Variants in WWOX observed in about 807,000 individuals in gnomAD.
WWOX encodes the protein WW domain-containing oxidoreductase.
Under a neutral mutation model 46.2 loss-of-function variants are expected in WWOX, and 69 were observed. That is an observed-to-expected ratio of 1.49 (90% CI 1.23 to 1.82). The LOEUF (loss-of-function observed/expected upper bound fraction) is 1.82, where lower values mean the gene tolerates loss of function less well. Among genes scored for constraint, WWOX ranks in the 40% most tolerant of loss-of-function variants. WWOX has a pLI of 0.00. For synonymous variants in WWOX, 359 were observed against 202.6 expected (o/e 1.77, Z -6.56); for missense variants, 919 against 542.6 (o/e 1.69, Z -6.89).
intron 8 of WWOX, among the ~76,000 whole-genome samples, chr16:79,157,637 T>G: frequency 6.6e-6 from 1 of 152,302 alleles, no homozygotes; most frequent in East Asian, 1.9e-4. Context: ...TATTTAGGTA[T>G]GCTAAGACCA....
chr16:78,190,554 T>C (rs2035853963), intron 5 of WWOX, among the ~76,000 whole-genome samples: 1 of 152,166 alleles, frequency 6.6e-6, no homozygotes, highest in African/African-American at 2.4e-5. Flanking sequence ...TGCACATCCC[T>C]TCCAGCCAAC....
intron 8 of WWOX, among the ~76,000 whole-genome samples, chr16:78,884,321 G>C (rs146702414): frequency 6.7e-6 from 1 of 149,776 alleles, no homozygotes; most frequent in Non-Finnish European, 1.5e-5. Flanking sequence ...GACTATGACT[G>C]GTCAAAATGT....
chr16:78,442,480 G>T (rs552487241), intron 8 of WWOX, among the ~76,000 whole-genome samples: 2 of 151,974 alleles, frequency 1.3e-5, no homozygotes, highest in South Asian at 4.2e-4. Context: ...CCTGGGAACT[G>T]CCCTCTACTC....
At chr16:79,100,559 G>C (rs912385890) in intron 8 of WWOX, among the ~76,000 whole-genome samples, 3 of 152,122 alleles carry the variant, frequency 2.0e-5, no homozygotes, top group Admixed American at 2.0e-4. Context: ...TGATGGCTCT[G>C]CACAGACAGC....
intron 8 of WWOX, among the ~76,000 whole-genome samples, chr16:79,043,840 T>C (rs146418990): frequency 7.2e-5 from 11 of 152,338 alleles, no homozygotes; most frequent in African/African-American, 2.2e-4. Context: ...AGATGGGATG[T>C]AGAGAGCAAA....
intron 5 of WWOX, among the ~76,000 whole-genome samples, chr16:78,267,964 C>G (rs558799547): frequency 1.3e-5 from 2 of 152,090 alleles, no homozygotes; most frequent in South Asian, 4.1e-4. Flanking sequence ...ACTATAGGTG[C>G]GTGCCCCCAC....
chr16:78,730,735 C>T (rs1029265473), intron 8 of WWOX, among the ~76,000 whole-genome samples: 5 of 150,488 alleles, frequency 3.3e-5, no homozygotes, highest in African/African-American at 1.2e-4. Context: ...GCTGGGATTA[C>T]AGGTATAAAC....
chr16:78,447,784 G>C (rs1302610568), intron 8 of WWOX, among the ~76,000 whole-genome samples: 1 of 152,170 alleles, frequency 6.6e-6, no homozygotes, highest in Non-Finnish European at 1.5e-5. Context: ...GCCAAGGAAA[G>C]CAGAAGAAAC....
chr16:78,147,252 G>T (rs990618485), intron 4 of WWOX, among the ~76,000 whole-genome samples: 6 of 151,986 alleles, frequency 3.9e-5, no homozygotes, highest in African/African-American at 7.3e-5. Context: ...TTGCTTTAAA[G>T]TTTTTTACAT....
intron 8 of WWOX, among the ~76,000 whole-genome samples, chr16:79,133,201 A>G (rs1414467041): frequency 6.6e-6 from 1 of 152,202 alleles, no homozygotes; most frequent in Admixed American, 6.5e-5. Flanking sequence ...GTGAAGTCAT[A>G]CATTTTATTG....
chr16:78,380,938 TG>T (rs1466919587), intron 5 of WWOX, among the ~76,000 whole-genome samples: 8 of 152,326 alleles, frequency 5.3e-5, no homozygotes, highest in Admixed American at 1.3e-4. Flanking sequence ...TTGTGTGGCT[TG>T]TACCTTATAT....
chr16:78,956,666 C>G (rs1020815480), intron 8 of WWOX, among the ~76,000 whole-genome samples: 7 of 152,138 alleles, frequency 4.6e-5, no homozygotes, highest in African/African-American at 7.2e-5. Context: ...TAAAATACCT[C>G]TGTTTTCACT....
At chr16:78,152,690 A>C (rs1010942126) in intron 4 of WWOX, among the ~76,000 whole-genome samples, 36 of 152,186 alleles carry the variant, frequency 2.4e-4, no homozygotes, top group African/African-American at 8.4e-4. Context: ...TTAAATGAGA[A>C]CTTATTCACC....
intron 6 of WWOX, among the ~76,000 whole-genome samples, chr16:78,416,317 T>C (rs2082796727): frequency 6.6e-6 from 1 of 152,216 alleles, no homozygotes; most frequent in Admixed American, 6.5e-5. Context: ...CTCATTAAAG[T>C]GAGGCAAAAG....
chr16:78,589,075 C>T (rs531091135), intron 8 of WWOX, among the ~76,000 whole-genome samples: 1 of 152,324 alleles, frequency 6.6e-6, no homozygotes, highest in Admixed American at 6.5e-5. Context: ...TGTAGATTCT[C>T]CCACTGTTGT....
chr16:78,214,010 G>A (rs2036640300), intron 5 of WWOX, among the ~76,000 whole-genome samples: 1 of 152,122 alleles, frequency 6.6e-6, no homozygotes, highest in Admixed American at 6.5e-5. Context: ...TGTAACCTGT[G>A]TTCCAGAGTC....
intron 8 of WWOX, among the ~76,000 whole-genome samples, chr16:79,149,053 G>T (rs1457848780): frequency 1.3e-5 from 2 of 151,926 alleles, no homozygotes; most frequent in Non-Finnish European, 2.9e-5. Flanking sequence ...GTAGTGGCTA[G>T]AACTTCCTGT....
chr16:78,194,792 CT>C (rs11291487), intron 5 of WWOX, among the ~76,000 whole-genome samples: 46,472 of 151,712 alleles, frequency 0.31, 7,300 homozygotes, highest in East Asian at 0.37. Context: ...CATCAACCCT[CT>C]TAACTCCCGA....
intron 8 of WWOX, among the ~76,000 whole-genome samples, chr16:79,079,381 C>T (rs2048719134): frequency 6.6e-6 from 1 of 152,184 alleles, no homozygotes; most frequent in Non-Finnish European, 1.5e-5. Context: ...TGTCACCCAT[C>T]CAGCCAGCCA....
Sources: allele counts gnomAD v4.1 joint callset (sites outside exome capture counted in the v4.1 genomes callset), GRCh38; gene constraint gnomAD v4.1.1; transcripts MANE v1.5; gene names NCBI Gene and HGNC (gene_info 2026-07-23, HGNC 2026-07-21).